Variants in THUMPD3 observed in about 807,000 individuals in gnomAD.
The protein encoded by THUMPD3 is THUMP domain 3 tRNA guanosine methyltransferase, also known as tRNA (guanine(6)-N(2))-methyltransferase THUMP3.
THUMPD3 carries 44 observed loss-of-function variants against 54.5 expected under a neutral mutation model. The ratio of observed to expected loss-of-function variants is 0.81; its 90% CI spans 0.63 to 1.04. THUMPD3 has a LOEUF of 1.04. THUMPD3 is among the 50% of genes least tolerant of loss of function. The pLI, the probability that THUMPD3 is intolerant of heterozygous loss-of-function variation, is 0.00. For missense variants in THUMPD3, 604 were observed against 601.3 expected, an observed-to-expected ratio of 1.00 and a Z score of -0.05; for synonymous variants, 196 against 201.4, an observed-to-expected ratio of 0.97 and a Z score of 0.23.
chr3:9,383,725 G>A (rs1396106603), intron 8 of THUMPD3, among the ~76,000 whole-genome samples: 1 of 151,936 alleles, frequency 6.6e-6, no homozygotes, highest in Non-Finnish European at 1.5e-5. Flanking sequence ...CCGGGTTCAA[G>A]CGATTCTCCT....
intron 7 of THUMPD3, among the ~76,000 whole-genome samples, chr3:9,381,804 G>C (rs1335523162): frequency 1.1e-5 from 1 of 89,716 alleles, no homozygotes; most frequent in Non-Finnish European, 1.9e-5. Context: ...TTTTGAGACG[G>C]AGTCTCACTC....
In THUMPD3 at chr3:9,371,520, C is replaced by G; in HGVS notation, c.791C>G (p.Thr264Ser). ...QDYFKWKADM[T>S]NFDVEVLLNI... ...TATTTTAAGTGGAAGGCCGACATGA[C>G]CAACTTTGATGTGGAGGTAGGTATA... The change falls in exon 4 of 10, where the codon ACC (threonine) becomes AGC (serine). Residue 264 changes from threonine to serine, a missense_variant. Coordinates refer to ENST00000452837, the MANE Select transcript of THUMPD3 (RefSeq NM_001114092.2). 1.2e-6 allele frequency: 2 copies of G among 1,612,728 alleles called. No homozygotes were observed. The highest frequency in any genetic ancestry group is 4.5e-5 in the East Asian group (2 of 44,866).
chr3:9,365,302 A>G lies in THUMPD3; in HGVS notation c.234A>G (p.Ser78=). The G allele has an allele frequency of 6.2e-7, 1 of 1,614,218 alleles. No individual in the cohort carries two copies. The highest frequency in any genetic ancestry group is 1.1e-5 in the South Asian group (1 of 91,082). ...GTGGCAAGATATATTTTGTCATTTC[A>G]GTGGAAAGTCTGGCACAGGTTTGAA... The part of the protein sequence containing the change: ...RDRGKIYFVI[S]VESLAQVHCL... Residue 78 remains serine, a synonymous_variant, in exon 2 of 10, where the codon TCA becomes TCG. Coordinates refer to ENST00000452837, the MANE Select transcript of THUMPD3 (RefSeq NM_001114092.2).
intron 4 of THUMPD3, among the ~76,000 whole-genome samples, chr3:9,371,853 G>A (rs1256035958): frequency 6.6e-6 from 1 of 152,150 alleles, no homozygotes; most frequent in Admixed American, 6.6e-5. Context: ...TCCATAGATG[G>A]AAGCCATCAA....
intron 5 of THUMPD3, among the ~76,000 whole-genome samples, chr3:9,376,257 C>T (rs533150753): frequency 1.3e-5 from 2 of 152,286 alleles, no homozygotes; most frequent in East Asian, 3.9e-4. Flanking sequence ...AATGTTGGTT[C>T]TCAAGAAGGG....
chr3:9,380,687 A>T lies in THUMPD3; in HGVS notation c.1124+69A>T, dbSNP rs552163365. The T allele has an allele frequency of 1.4e-5, 15 of 1,100,238 alleles. No homozygotes were observed. The African/African-American group carries it at 1.9e-4, about 14-fold the overall frequency. 68.2% of individuals were successfully genotyped at this position (1,100,238 alleles called of 1,614,324 possible). The stretch of plus-strand genomic sequence containing the variant: ...ATCACTTTTTATATTGACTTTATGA[A>T]TTAAAACTCCCAGTGCATTGTGACG... On this transcript the variant is annotated intron_variant, in intron 7 of 9. Transcript: ENST00000452837.
chr3:9,369,822 T>A (rs889196922), intron 3 of THUMPD3, among the ~76,000 whole-genome samples: 5 of 152,242 alleles, frequency 3.3e-5, no homozygotes, highest in African/African-American at 1.2e-4. Flanking sequence ...AACTGTTTAG[T>A]CTTAGTTTTG....
intron 8 of THUMPD3, 93 bp downstream of exon 8, chr3:9,383,402 G>C (rs1320621398): frequency 2.3e-6 from 2 of 881,712 alleles, no homozygotes; most frequent in Non-Finnish European, 3.7e-6. Flanking sequence ...AATTTTAGCA[G>C]ACTTAGCAGA....
intron 2 of THUMPD3, among the ~76,000 whole-genome samples, chr3:9,365,998 C>T (rs935233294): frequency 2.6e-5 from 4 of 151,996 alleles, no homozygotes; most frequent in African/African-American, 7.3e-5. Flanking sequence ...GTGGGCTGCT[C>T]AACCTGTAGT....
intron 5 of THUMPD3, among the ~76,000 whole-genome samples, chr3:9,376,611 A>G (rs557536506): frequency 2.0e-5 from 3 of 152,340 alleles, no homozygotes; most frequent in South Asian, 2.1e-4. Flanking sequence ...CAATGTTACA[A>G]TAAGAACCCA....
chr3:9,382,909 T>C (rs1450494494), intron 7 of THUMPD3: 1 of 235,428 alleles, frequency 4.2e-6, no homozygotes, highest in Non-Finnish European at 8.6e-6. Flanking sequence ...TAAAAAAGTA[T>C]TTTAGAGACA....
rs1270654227 is a variant in THUMPD3, at chr3:9,385,922, C to G, written c.*1234C>G. 6.6e-6 allele frequency: 1 copy of G among 152,170 alleles called. No homozygotes were observed. The highest frequency in any genetic ancestry group is 1.5e-5 in the Non-Finnish European group (1 of 68,028). 9.4% of individuals were successfully genotyped at this position (152,170 alleles called of 1,614,324 possible). A position where few individuals can be genotyped will look rare whatever the true frequency, so the allele number is the denominator to read the frequency against. ...GAGAGTTTTGTGGAAAATGGTGCTT[C>G]CCTGGAACAAAGAGTAGTTGAGGTT... On this transcript the variant is annotated 3_prime_UTR_variant, in exon 10 of 10. Coordinates refer to ENST00000452837, the MANE Select transcript of THUMPD3 (RefSeq NM_001114092.2).
chr3:9,372,056 T>A (rs1366523707), intron 4 of THUMPD3, among the ~76,000 whole-genome samples: 1 of 152,164 alleles, frequency 6.6e-6, no homozygotes, highest in Non-Finnish European at 1.5e-5. Context: ...TTGTATTTTT[T>A]AATAGACATG....
chr3:9,370,591 C>A (rs547568188), intron 3 of THUMPD3, among the ~76,000 whole-genome samples: 1 of 152,152 alleles, frequency 6.6e-6, no homozygotes, highest in South Asian at 2.1e-4. Context: ...ACTACAGGCA[C>A]GTGCCACCAT....
intron 6 of THUMPD3, among the ~76,000 whole-genome samples, chr3:9,379,979 C>T (rs2032754546): frequency 2.0e-5 from 3 of 152,154 alleles, no homozygotes; most frequent in Non-Finnish European, 4.4e-5. Context: ...TGTGAGCCAC[C>T]ATGCCCGGCC....
At chr3:9,364,811 C>T (rs1166430051) in intron 1 of THUMPD3, among the ~76,000 whole-genome samples, 5 of 152,194 alleles carry the variant, frequency 3.3e-5, no homozygotes, top group African/African-American at 1.2e-4. Context: ...TCTTTTTCTC[C>T]CATGGTATCT....
chr3:9,384,540 G>A lies in THUMPD3; in HGVS notation c.1376G>A (p.Arg459Gln), dbSNP rs1129174. Residue 459 changes from arginine to glutamine, a missense_variant, in exon 10 of 10, where the codon CGA (arginine) becomes CAA (glutamine). By Grantham distance (43) the Arg-to-Gln change is conservative. Transcript: ENST00000452837. ...KCFTKALSGM[R>Q]HVWRKVDTVW... ...TGTACACAGGCGTTATCTGGAATGC[G>A]ACACGTATGGCGAAAGGTGGATACA... 0.14 allele frequency: 231,218 copies of A among 1,614,002 alleles called. 17,975 individuals carry two copies. Among genetic ancestry groups the A allele is most frequent in the Admixed American group, 0.22 (13,209 of 60,008 alleles).
At chr3:9,384,012 T>TA (rs531223669) in intron 8 of THUMPD3, among the ~76,000 whole-genome samples, 200 bp from the exon 9 acceptor site, 4 of 152,184 alleles carry the variant, frequency 2.6e-5, no homozygotes, top group Non-Finnish European at 5.9e-5. Flanking sequence ...CACAGTTGTC[T>TA]AAAAAAAATT....
In THUMPD3 at chr3:9,386,383, A is replaced by AC. The variant is rs1028705327; in HGVS notation, c.*1701dup. 2 of 54,886 alleles carry AC rather than the reference A, an allele frequency of 3.6e-5. No homozygotes were observed. The highest frequency in any genetic ancestry group is 1.7e-4 in the Admixed American group (1 of 5,864). 3.4% of individuals were successfully genotyped at this position (54,886 alleles called of 1,614,324 possible). On this transcript the variant is annotated 3_prime_UTR_variant, in exon 10 of 10. Coordinates refer to ENST00000452837, the MANE Select transcript of THUMPD3 (RefSeq NM_001114092.2). ...CCACGATGTCTTTCCCCACCCCCCC[A>AC]CCCCCCACTCCACCCCCCACTAAGG...
Sources: gnomAD v4.1 joint callset for allele counts (sites outside exome capture counted in the v4.1 genomes callset) on GRCh38, gnomAD v4.1.1 for gene constraint, MANE v1.5 for transcripts, NCBI Gene and HGNC (gene_info 2026-07-23, HGNC 2026-07-21) for gene names.